GPHN: variants seen among roughly 807,000 people sequenced by gnomAD.
GPHN encodes the protein gephyrin.
A neutral mutation model predicts 95.5 loss-of-function variants in GPHN; 17 were observed. The observed-to-expected ratio is 0.18, with a 90% confidence interval of 0.12 to 0.27. The LOEUF is 0.27. Ranked by LOEUF, GPHN falls within the 10% of genes least tolerant of loss-of-function variation. The pLI is 1.00. For missense variants in GPHN, 660 were observed against 978.1 expected, an observed-to-expected ratio of 0.67 and a Z score of 4.34; for synonymous variants, 320 against 322.5, an observed-to-expected ratio of 0.99 and a Z score of 0.08.
chr14:67,162,271 G>A (rs558006361), intron 19 of GPHN, among the ~76,000 whole-genome samples: 7 of 152,288 alleles, frequency 4.6e-5, no homozygotes, highest in African/African-American at 1.7e-4. Context: ...AAGGAAGAAG[G>A]TGTTATACAT....
At chr14:66,855,479 G>A (rs1311011318) in intron 4 of GPHN, among the ~76,000 whole-genome samples, 2 of 152,048 alleles carry the variant, frequency 1.3e-5, no homozygotes, top group Non-Finnish European at 2.9e-5. Context: ...TTTTATGCCT[G>A]AATAATATTC....
chr14:66,593,773 G>A (rs1022297337), intron 1 of GPHN, among the ~76,000 whole-genome samples: 5 of 152,062 alleles, frequency 3.3e-5, no homozygotes, highest in African/African-American at 1.2e-4. Context: ...ACAAGACATG[G>A]GTACTCACCC....
chr14:67,163,341 A>G (rs1443491161), intron 19 of GPHN, among the ~76,000 whole-genome samples: 2 of 152,004 alleles, frequency 1.3e-5, no homozygotes, highest in Non-Finnish European at 2.9e-5. Context: ...AGATATTTTT[A>G]TTATTACTGT....
the GPHN span, among the ~76,000 whole-genome samples, chr14:67,428,003 C>A: frequency 6.6e-6 from 1 of 151,272 alleles, no homozygotes; most frequent in Non-Finnish European, 1.5e-5. Flanking sequence ...CTCACTGCAA[C>A]CTCTGCCTCC....
chr14:66,985,255 C>T (rs2070938725), intron 9 of GPHN, among the ~76,000 whole-genome samples: 1 of 152,126 alleles, frequency 6.6e-6, no homozygotes, highest in African/African-American at 2.4e-5. Flanking sequence ...CTGATCTTTC[C>T]ACCTACAGAG....
chr14:66,611,014 T>C (rs867583357), intron 1 of GPHN, among the ~76,000 whole-genome samples: 2 of 152,154 alleles, frequency 1.3e-5, no homozygotes, highest in Non-Finnish European at 2.9e-5. Context: ...AACTGAATTT[T>C]ACAAGAAAGT....
chr14:67,456,602 CAAA>C, the GPHN span, among the ~76,000 whole-genome samples: 2 of 83,960 alleles, frequency 2.4e-5, no homozygotes, highest in Non-Finnish European at 5.4e-5. Flanking sequence ...AACTCCATCT[CAAA>C]AAAAAAAAAA....
At chr14:67,332,765 A>G in the GPHN span, 2 of 1,596,896 alleles carry the variant, frequency 1.3e-6, no homozygotes, top group Non-Finnish European at 1.7e-6. Flanking sequence ...CACAGTTTTT[A>G]TCTTCTGTTT....
intron 1 of GPHN, among the ~76,000 whole-genome samples, chr14:66,667,093 C>G (rs2066009012): frequency 6.6e-6 from 1 of 152,132 alleles, no homozygotes; most frequent in African/African-American, 2.4e-5. Flanking sequence ...AGCGAAAGAT[C>G]TCTGCAAGGA....
At chr14:67,379,692 T>C in the GPHN span, among the ~76,000 whole-genome samples, 1 of 134,230 alleles carries the variant, frequency 7.4e-6, no homozygotes, top group Non-Finnish European at 1.5e-5. Context: ...TCTCGCTCTG[T>C]CGCCCAGGCT....
intron 5 of GPHN, among the ~76,000 whole-genome samples, chr14:66,895,251 C>T (rs1187910168): frequency 2.0e-5 from 3 of 152,048 alleles, no homozygotes; most frequent in African/African-American, 4.8e-5. Context: ...ATCAGACTAT[C>T]GCAAAAACAA....
chr14:67,019,927 T>G (rs913777103), intron 9 of GPHN, among the ~76,000 whole-genome samples: 5 of 152,218 alleles, frequency 3.3e-5, no homozygotes, highest in African/African-American at 7.2e-5. Flanking sequence ...TGTGTCCTGC[T>G]TTCTTCATAA....
chr14:67,476,780 T>C, the GPHN span, among the ~76,000 whole-genome samples: 1 of 152,102 alleles, frequency 6.6e-6, no homozygotes, highest in African/African-American at 2.4e-5. Context: ...CCCCTGCACA[T>C]GACTGCCCAT....
chr14:67,104,761 C>G (rs967350153), intron 13 of GPHN, among the ~76,000 whole-genome samples: 1 of 152,012 alleles, frequency 6.6e-6, no homozygotes, highest in African/African-American at 2.4e-5. Flanking sequence ...CTAGCTAATG[C>G]TTTGTCAATT....
chr14:67,656,310 C>A, the GPHN span: 1 of 1,059,332 alleles, frequency 9.4e-7, no homozygotes, highest in Non-Finnish European at 1.3e-6. Flanking sequence ...AAAGACTATT[C>A]CCTGAATACA....
intron 5 of GPHN, among the ~76,000 whole-genome samples, chr14:66,881,149 G>T (rs1596261671): frequency 6.6e-6 from 1 of 151,928 alleles, no homozygotes; most frequent in African/African-American, 2.4e-5. Context: ...AGATACAGGA[G>T]ATTATGAATG....
the GPHN span, among the ~76,000 whole-genome samples, chr14:67,413,298 C>T: frequency 1.3e-5 from 2 of 151,932 alleles, no homozygotes; most frequent in Non-Finnish European, 1.5e-5. Flanking sequence ...GACAGGGTCT[C>T]ACTATATTGT....
chr14:66,854,845 CTT>C (rs139745978), intron 4 of GPHN, among the ~76,000 whole-genome samples: 236 of 140,816 alleles, frequency 1.7e-3, no homozygotes, highest in Non-Finnish European at 2.9e-3. Flanking sequence ...CTATTTTAGC[CTT>C]TTTTTTTTTT....
the GPHN span, chr14:67,392,743 C>A: frequency 8.1e-6 from 13 of 1,614,064 alleles, no homozygotes; most frequent in African/African-American, 1.2e-4. Context: ...TTCGGACACC[C>A]ACAGGCCTGA....
Sources: allele counts gnomAD v4.1 joint callset (sites outside exome capture counted in the v4.1 genomes callset), GRCh38; gene constraint gnomAD v4.1.1; transcripts MANE v1.5; gene names NCBI Gene and HGNC (gene_info 2026-07-23, HGNC 2026-07-21).